Variants in ADAT3 observed in about 807,000 individuals in gnomAD.
ADAT3 encodes adenosine deaminase tRNA specific 3.
Under a neutral mutation model 3.5 loss-of-function variants are expected in ADAT3, and 2 were observed. The ratio of observed to expected loss-of-function variants is 0.57; its 90% CI spans 0.23 to 1.79. The LOEUF (loss-of-function observed/expected upper bound fraction) is 1.79. Ranked by LOEUF, ADAT3 falls within the 40% of genes most tolerant of loss-of-function variation. The pLI, the probability that ADAT3 is intolerant of heterozygous loss-of-function variation, is 0.18. For synonymous variants in ADAT3, 358 were observed against 270.3 expected (o/e 1.32, Z -3.18); for missense variants, 735 against 571.4 (o/e 1.29, Z -2.92).
At chr19:1,911,216 G>C (rs2013427188) in intron 1 of ADAT3, among the ~76,000 whole-genome samples, 1 of 151,672 alleles carries the variant, frequency 6.6e-6, no homozygotes, top group African/African-American at 2.4e-5. Context: ...CTGTCAGCCA[G>C]GCTGGGGTAC....
chr19:1,909,350 C>T (rs2013312678), intron 1 of ADAT3, among the ~76,000 whole-genome samples: 1 of 152,216 alleles, frequency 6.6e-6, no homozygotes. Context: ...GTGCTGTCTG[C>T]CCGCCTAGGG....
chr19:1,912,336 A>C lies in ADAT3; in HGVS notation c.289A>C (p.Ser97Arg). 2 of 1,536,388 alleles carry C rather than the reference A, an allele frequency of 1.3e-6. No homozygotes were observed. The highest frequency in any genetic ancestry group is 1.7e-6 in the Non-Finnish European group (2 of 1,149,362). Residue 97 changes from serine to arginine, a missense_variant, in exon 2 of 2, where the codon AGC becomes CGC. By Grantham distance (110) the Ser-to-Arg change is moderately radical (BLOSUM62 -1). Transcript: ENST00000329478. ...AQPHLKRVRP[S>R]RDAGSPHALE... is the part of the protein sequence containing the mutation. ...GCCTCACCTCAAGCGGGTGCGGCCC[A>C]GCCGCGATGCCGGCAGCCCCCACGC...
Sources: gnomAD v4.1 joint callset for allele counts (sites outside exome capture counted in the v4.1 genomes callset) on GRCh38, gnomAD v4.1.1 for gene constraint, MANE v1.5 for transcripts, NCBI Gene and HGNC (gene_info 2026-07-23, HGNC 2026-07-21) for gene names.